Variants in C9orf50 observed in about 807,000 individuals in gnomAD.
C9orf50 encodes the protein uncharacterized protein C9orf50.
C9orf50 carries 33 observed loss-of-function variants against 42.5 expected under a neutral mutation model. The ratio of observed to expected loss-of-function variants is 0.78; its 90% CI spans 0.59 to 1.04. C9orf50 has a LOEUF of 1.04. C9orf50 is among the 50% of genes least tolerant of loss of function. The pLI, the probability that C9orf50 is intolerant of heterozygous loss-of-function variation, is 0.00. For synonymous variants in C9orf50, 257 were observed against 273.4 expected (o/e 0.94, Z 0.59); for missense variants, 547 against 594.3 (o/e 0.92, Z 0.83).
intron 3 of C9orf50, 35 bp from the exon 4 acceptor site, chr9:129,615,682 C>T (rs781389485): frequency 5.4e-6 from 8 of 1,490,688 alleles, no homozygotes; most frequent in Non-Finnish European, 2.7e-6. Flanking sequence ...GCTCGAAGCC[C>T]CCCACCGTAC....
chr9:129,619,456 A>G, intron 3 of C9orf50, 64 bp downstream of exon 3: 2 of 1,183,488 alleles, frequency 1.7e-6, no homozygotes, highest in South Asian at 1.4e-5. Context: ...CGAAAGAGGA[A>G]AGAAAGAAGG....
chr9:129,615,345 G>T, intron 4 of C9orf50, 139 bp downstream of exon 4: 2 of 951,054 alleles, frequency 2.1e-6, no homozygotes, highest in Non-Finnish European at 3.0e-6. Flanking sequence ...GGCCAGTTCA[G>T]GCACATCCTC....
At chr9:129,618,886 G>A (rs1394201432) in intron 3 of C9orf50, among the ~76,000 whole-genome samples, 2 of 69,324 alleles carry the variant, frequency 2.9e-5, no homozygotes, top group Non-Finnish European at 6.0e-5. Flanking sequence ...TTTTTTTTTT[G>A]TATATTTTTA....
chr9:129,613,642 C>T lies in C9orf50; in HGVS notation c.881-45G>A, dbSNP rs749537358. ...GTGAGATCTCTGCCCAGGAGGAGGG[C>T]ACTGGTGCCCCCACCCTCTTTTCCT... On this transcript the variant is annotated intron_variant, in intron 4 of 6. Coordinates refer to ENST00000372478, the Ensembl canonical transcript of C9orf50. The surrounding 1 kb of genome is among the most constrained non-coding windows in gnomAD (Gnocchi z 6.2). 6.2e-7 allele frequency: 1 copy of T among 1,609,138 alleles called. No homozygotes were observed. The highest frequency in any genetic ancestry group is 8.5e-7 in the Non-Finnish European group (1 of 1,177,034).
rs112667872 is a variant in C9orf50, at chr9:129,614,631, C to T, written c.880+853G>A. 0.19 allele frequency among the ~76,000 whole-genome samples: 28,275 copies of T among 152,178 alleles called. 3,039 individuals are homozygous for T. The highest frequency in any genetic ancestry group is 0.3 in the East Asian group (1,529 of 5,168). ...AAAATTCACTGGGAATGGCCAGGCG[C>T]GGTGGCTCATGCCTGTAATCCCAGC... On this transcript the variant is annotated intron_variant, in intron 4 of 6. Coordinates refer to ENST00000372478, the Ensembl canonical transcript of C9orf50. This position sits in a 1 kb window ranked among gnomAD's most constrained non-coding sequence, Gnocchi z 4.4.
At position 129,620,279 on chromosome 9, in the gene C9orf50, G is replaced by T; in HGVS notation, c.296C>A (p.Ser99Tyr). Reference sequence around the variant, plus strand: ...CGACAGCAGGGGAGGCGGCAGCAGGGACCGCAGCAGCCCCCGCTTCCGCAC... The same window carrying T: ...CGACAGCAGGGGAGGCGGCAGCAGGTACCGCAGCAGCCCCCGCTTCCGCAC... Residue 99 changes from serine to tyrosine, a missense_variant, in exon 1 of 7, where the codon TCC becomes TAC. By Grantham distance (144) the Ser-to-Tyr change is moderately radical (BLOSUM62 -2). Around this residue, in one of 3 missense-constraint regions of C9orf50, gnomAD observed 108 missense variants for 172.1 expected, o/e 0.63. Transcript: ENST00000372478. This position sits in a 1 kb window ranked among gnomAD's most constrained non-coding sequence, Gnocchi z 5.8. 7.7e-7 allele frequency: 1 copy of T among 1,291,518 alleles called. No individual in the cohort carries two copies. 80.0% of individuals were successfully genotyped at this position (1,291,518 alleles called of 1,614,324 possible).
In C9orf50 at chr9:129,619,506, C is replaced by T. The variant is rs372468336; in HGVS notation, c.716+14G>A. On this transcript the variant is annotated intron_variant, in intron 3 of 6. Coordinates refer to ENST00000372478, the Ensembl canonical transcript of C9orf50. ...TTCCTCCACTACCCTACCCTTATCC[C>T]GCCCATCACTCACTGGTTGGCCTTT... 1.4e-5 allele frequency: 23 copies of T among 1,588,184 alleles called. No individual in the cohort carries two copies. The highest frequency in any genetic ancestry group is 4.4e-5 in the South Asian group (4 of 90,130).
intron 3 of C9orf50, among the ~76,000 whole-genome samples, chr9:129,618,868 GT>G (rs34259203): frequency 0.54 from 69,551 of 128,060 alleles, 17,833 homozygotes; most frequent in Non-Finnish European, 0.57. Flanking sequence ...AATTTTTTGT[GT>G]TTTTTTTTTT....
chr9:129,618,490 T>G (rs768968557), intron 3 of C9orf50, among the ~76,000 whole-genome samples: 1 of 152,078 alleles, frequency 6.6e-6, no homozygotes, highest in South Asian at 2.1e-4. Flanking sequence ...GAACTATGAA[T>G]GTATGGGTAG....
In C9orf50 at chr9:129,613,553, C is replaced by T. The variant is rs1830194340; in HGVS notation, c.925G>A (p.Ala309Thr). The change falls in exon 5 of 7, where the codon GCG becomes ACG. Residue 309 changes from alanine (A) to threonine (T), a missense_variant. This residue lies in a region of C9orf50 where 334 missense variants were observed against 323.7 expected (regional missense o/e 1.03). Transcript: ENST00000372478. This position sits in a 1 kb window ranked among gnomAD's most constrained non-coding sequence, Gnocchi z 6.2. Reference sequence around the variant, plus strand: ...ACACTCCCAAACACCCGCTCGGACGCCACTGGCAGGGCGGCCTTCTGGTTC... The same window carrying T: ...ACACTCCCAAACACCCGCTCGGACGTCACTGGCAGGGCGGCCTTCTGGTTC... The T allele has an allele frequency of 6.2e-7, 1 of 1,614,156 alleles. No homozygotes were observed. Among genetic ancestry groups the T allele is most frequent in the African/African-American group, 1.3e-5 (1 of 75,048 alleles).
exon 4 of C9orf50, chr9:129,615,495 C>G (rs374809292): frequency 6.9e-6 from 11 of 1,597,418 alleles, no homozygotes; most frequent in Non-Finnish European, 9.4e-6. Context: ...TGAGCGTCTG[C>G]GCTCCCAGTA....
chr9:129,612,811 CAG>C lies in C9orf50; in HGVS notation c.1188+294_1188+295del, dbSNP rs1008136237. ...CACCACTGCACTCCAGCCTGGGCGACAGAGCAACACTCTGTCTCAAAAAAGCA... is the reference window on the plus strand; with the variant it reads ...CACCACTGCACTCCAGCCTGGGCGACAGCAACACTCTGTCTCAAAAAAGCA... On this transcript the variant is annotated intron_variant, in intron 6 of 6. Transcript: ENST00000372478. Among the ~76,000 whole-genome samples, 12 of 151,970 alleles carry C rather than the reference CAG, an allele frequency of 7.9e-5. 1 individual carries two copies. The highest frequency in any genetic ancestry group is 1.3e-4 in the Admixed American group (2 of 15,262).
rs1214875151 is a variant in C9orf50 at position 129,620,043 on chromosome 9, C to T, written c.508+24G>A. 5 of 1,453,318 alleles carry T rather than the reference C, an allele frequency of 3.4e-6. No individual in the cohort carries two copies. In the East Asian group the frequency reaches 1.0e-4, roughly 29 times the overall value. The allele number at this position is 1,453,318 out of a possible 1,614,324, so 90.0% of individuals were successfully genotyped here. ...CCCACCGGAAATGACTCGGGCCCGCCCCCCGGGCCCCGCGGGGCCTCACTC... is the reference window on the plus strand; with the variant it reads ...CCCACCGGAAATGACTCGGGCCCGCTCCCCGGGCCCCGCGGGGCCTCACTC... On this transcript the variant is annotated intron_variant, in intron 1 of 6. Transcript: ENST00000372478. This position sits in a 1 kb window ranked among gnomAD's most constrained non-coding sequence, Gnocchi z 5.8.
intron 3 of C9orf50, among the ~76,000 whole-genome samples, chr9:129,618,853 C>T (rs189781692): frequency 6.9e-4 from 100 of 143,946 alleles, no homozygotes; most frequent in Non-Finnish European, 3.2e-4. Flanking sequence ...CCACCACGCC[C>T]GGCTAATTTT....
rs189273518 is a variant in C9orf50 at position 129,615,163 on chromosome 9, G to A, written c.880+321C>T. 3.9e-3 allele frequency among the ~76,000 whole-genome samples: 594 copies of A among 152,322 alleles called. 3 individuals carry two copies. The highest frequency in any genetic ancestry group is 0.017 in the Middle Eastern group (5 of 294). On this transcript the variant is annotated intron_variant, in intron 4 of 6. Coordinates refer to ENST00000372478, the Ensembl canonical transcript of C9orf50. ...TGTAGGCTGTGGGGACTGCGGAGGG[G>A]AGCAAGTGTGGGCTCTGGAGGCTCC...
At chr9:129,619,895 TC>T in intron 1 of C9orf50, 65 bp from the exon 2 acceptor site, 1 of 1,563,154 alleles carries the variant, frequency 6.4e-7, no homozygotes, top group Admixed American at 1.7e-5. Context: ...TCATGTGGCC[TC>T]GGGGTGATGG....
At chr9:129,619,953 C>T (rs962396918) in intron 1 of C9orf50, 114 bp downstream of exon 1, 32 of 1,486,734 alleles carry the variant, frequency 2.2e-5, no homozygotes, top group Non-Finnish European at 2.9e-5. Context: ...AGATACTCAG[C>T]TAACATTAGC....
Position 129,615,663 on chromosome 9 carries a change from G to C in C9orf50, c.717-16C>G. ...GTGGGGCCTGCTGAGAGAGGGGAGA[G>C]GGGCCTGTGCTCGAAGCCCCCCACC... On this transcript the variant is annotated splice_polypyrimidine_tract_variant and intron_variant, in intron 3 of 6. Coordinates refer to ENST00000372478, the Ensembl canonical transcript of C9orf50. 1 of 1,524,914 alleles carries C rather than the reference G, an allele frequency of 6.6e-7. No homozygotes were observed. 94.5% of individuals were successfully genotyped at this position (1,524,914 alleles called of 1,614,324 possible).
chr9:129,613,306 A>G lies in C9orf50; in HGVS notation c.1044-55T>C, dbSNP rs1830176875. 1.3e-6 allele frequency: 2 copies of G among 1,567,630 alleles called. No individual in the cohort carries two copies. Among genetic ancestry groups the G allele is most frequent in the African/African-American group, 1.4e-5 (1 of 73,654 alleles). ...TGGACTCTGAGTCCCCGGCCCACCCATGGCTGGCAGGGCCCTTGAGGACCC... is the reference window on the plus strand; with the variant it reads ...TGGACTCTGAGTCCCCGGCCCACCCGTGGCTGGCAGGGCCCTTGAGGACCC... On this transcript the variant is annotated intron_variant, in intron 5 of 6. Transcript: ENST00000372478. The surrounding 1 kb of genome is among the most constrained non-coding windows in gnomAD (Gnocchi z 6.2).
Sources: gnomAD v4.1 joint callset for allele counts (sites outside exome capture counted in the v4.1 genomes callset) on GRCh38, gnomAD v4.1.1 for gene constraint, gnomAD v4.1.1 regional missense constraint, Gnocchi (gnomAD v3.1) non-coding constraint, MANE v1.5 for transcripts, NCBI Gene and HGNC (gene_info 2026-07-23, HGNC 2026-07-21) for gene names.